METTL25B: variants seen among roughly 807,000 people sequenced by gnomAD.
The protein encoded by METTL25B is methyltransferase-like protein 25B.
Under a neutral mutation model 48.4 loss-of-function variants are expected in METTL25B, and 38 were observed. That is an observed-to-expected ratio of 0.78 (90% CI 0.61 to 1.03). METTL25B has a LOEUF of 1.03. Among genes scored for constraint, METTL25B ranks in the 50% least tolerant of loss-of-function variants. The pLI is 0.00. For synonymous variants in METTL25B, 230 were observed against 254.5 expected (o/e 0.90, Z 0.92); for missense variants, 537 against 603.7 (o/e 0.89, Z 1.16).
Position 156,734,397 on chromosome 1 carries a change from G to T in METTL25B, c.1025G>T (p.Arg342Leu), listed in dbSNP as rs748934059. ...CCTGGCCTTCGAACTCACTGCTACC[G>T]TGCAGCACTGGAGACAGTCATCCGA... ...AGPGLRTHCYRAALETVIRRA... is the reference protein window; with the variant it reads ...AGPGLRTHCYLAALETVIRRA... The change falls in exon 6 of 8, where the codon CGT becomes CTT. Residue 342 changes from arginine (R) to leucine (L), a missense_variant. Coordinates refer to ENST00000368216, the MANE Select transcript of METTL25B (RefSeq NM_015997.4). 39 of 1,613,142 alleles carry T rather than the reference G, an allele frequency of 2.4e-5. 1 individual carries two copies. The South Asian group carries it at 4.1e-4, about 17-fold the overall frequency.
At position 156,732,065 on chromosome 1, in the gene METTL25B, A is replaced by G. The variant is rs34965210; in HGVS notation, c.186A>G (p.Pro62=). 2.0e-3 allele frequency: 3,279 copies of G among 1,614,180 alleles called. 54 individuals are homozygous for G. The African/African-American group carries it at 0.036, about 18-fold the overall frequency. The change falls in exon 2 of 8, where the codon CCA becomes CCG. Residue 62 remains proline, a synonymous_variant. Transcript: ENST00000368216. ...AAGCATTGGATGGACTGAAACCACC[A>G]CAGCTGGCCACAATGCTGCTGGGGA... is the stretch of plus-strand genomic sequence containing the variant. The part of the protein sequence containing the change: ...WQEALDGLKP[P]QLATMLLGMP...
chr1:156,728,852 A>AC lies in METTL25B; in HGVS notation c.-249dup, dbSNP rs1318181342. The AC allele has an allele frequency of 1.1e-4, 74 of 700,228 alleles. No homozygotes were observed. The highest frequency in any genetic ancestry group is 1.4e-4 in the Non-Finnish European group (70 of 486,350). 43.4% of individuals were successfully genotyped at this position (700,228 alleles called of 1,614,324 possible). ...GCTTTTGTGGCGTCACTGCACTGTT[A>AC]CCCCGCCCTACGTGTCTCTGACGCT... On this transcript the variant is annotated 5_prime_UTR_variant, in exon 1 of 8. It removes the in-frame stop codon of an upstream open reading frame in the 5' UTR. Transcript: ENST00000368216.
intron 4 of METTL25B, 138 bp from the exon 5 acceptor site, chr1:156,733,239 C>A: frequency 9.2e-7 from 1 of 1,092,218 alleles, no homozygotes; most frequent in East Asian, 2.4e-5. Context: ...TTAAGCCACA[C>A]TGATGTTAAT....
chr1:156,728,578 C>T lies in METTL25B; in HGVS notation c.-527C>T. On this transcript the variant is annotated 5_prime_UTR_variant, in exon 1 of 8. Coordinates refer to ENST00000368216, the MANE Select transcript of METTL25B (RefSeq NM_015997.4). ...ACCCCAGGTAGTGAGGCCAGTGATTCCGAGTGTGTGAGGAGCGGCAGTGGC... is the reference window on the plus strand; with the variant it reads ...ACCCCAGGTAGTGAGGCCAGTGATTTCGAGTGTGTGAGGAGCGGCAGTGGC... 4.1e-6 allele frequency: 4 copies of T among 984,084 alleles called. No individual in the cohort carries two copies. Among genetic ancestry groups the T allele is most frequent in the Non-Finnish European group, 4.8e-6 (4 of 829,468 alleles). 61.0% of individuals were successfully genotyped at this position (984,084 alleles called of 1,614,324 possible). A position where few individuals can be genotyped will look rare whatever the true frequency, so the allele number is the denominator to read the frequency against.
intron 1 of METTL25B, 37 bp from the exon 2 acceptor site, chr1:156,731,954 T>C (rs747338135): frequency 2.5e-6 from 4 of 1,612,582 alleles, no homozygotes; most frequent in Non-Finnish European, 3.4e-6. Flanking sequence ...ATGGGAGTGG[T>C]AGTAGCTTGC....
At position 156,728,968 on chromosome 1, in the gene METTL25B, G is replaced by A. The variant is rs890113477; in HGVS notation, c.-137G>A. 3 of 568,466 alleles carry A rather than the reference G, an allele frequency of 5.3e-6. No homozygotes were observed. The highest frequency in any genetic ancestry group is 5.9e-6 in the Non-Finnish European group (2 of 339,856). The allele number at this position is 568,466 out of a possible 1,614,324, so 35.2% of individuals were successfully genotyped here. ...CAGCATCGGATCCCGGAAAGGCAGC[G>A]TCGGAGACTGGACCCAAAACTCTTC... On this transcript the variant is annotated 5_prime_UTR_variant, in exon 1 of 8. Transcript: ENST00000368216.
At chr1:156,732,234 A>G (rs370498157) in intron 2 of METTL25B, 47 bp from the exon 3 acceptor site, 227 of 1,609,534 alleles carry the variant, frequency 1.4e-4, no homozygotes, top group Non-Finnish European at 1.9e-4. Flanking sequence ...TGCTGCACTC[A>G]GATGTGATGG....
rs954493872 is a variant in METTL25B at position 156,728,557 on chromosome 1, C to G, written c.-548C>G. 1 of 985,208 alleles carries G rather than the reference C, an allele frequency of 1.0e-6. No homozygotes were observed. Among genetic ancestry groups the G allele is most frequent in the Non-Finnish European group, 1.2e-6 (1 of 829,782 alleles). 61.0% of individuals were successfully genotyped at this position (985,208 alleles called of 1,614,324 possible). A position where few individuals can be genotyped will look rare whatever the true frequency, so the allele number is the denominator to read the frequency against. ...GCGCACACCCGCACCGCCCCGACCC[C>G]AGGTAGTGAGGCCAGTGATTCCGAG... On this transcript the variant is annotated 5_prime_UTR_variant, in exon 1 of 8. Coordinates refer to ENST00000368216, the MANE Select transcript of METTL25B (RefSeq NM_015997.4).
chr1:156,736,509 G>C (rs1649816552), intron 7 of METTL25B, 123 bp from the exon 8 acceptor site: 1 of 1,128,482 alleles, frequency 8.9e-7, no homozygotes, highest in African/African-American at 1.6e-5. Flanking sequence ...TGGAGAACGG[G>C]GTCTCCTTAG....
intron 1 of METTL25B, among the ~76,000 whole-genome samples, chr1:156,730,987 A>G (rs566460555): frequency 6.6e-6 from 1 of 152,266 alleles, no homozygotes; most frequent in African/African-American, 2.4e-5. Flanking sequence ...TCATCATTCA[A>G]GTCTCAGCTC....
chr1:156,734,246 G>C lies in METTL25B; in HGVS notation c.874G>C (p.Asp292His). The C allele has an allele frequency of 6.2e-7, 1 of 1,614,200 alleles. No individual in the cohort carries two copies. Among genetic ancestry groups the C allele is most frequent in the Non-Finnish European group, 8.5e-7 (1 of 1,180,038 alleles). ...GGGCTGCTGCTACATGAAGCTGAGT[G>C]ACCCTGGCGGCTACCCACTGAGTCA... ...SVGCCYMKLS[D>H]PGGYPLSQWV... Residue 292 changes from aspartate to histidine, a missense_variant, in exon 6 of 8, where the codon GAC (aspartate) becomes CAC (histidine). By Grantham distance (81) the Asp-to-His change is moderately conservative. Transcript: ENST00000368216.
At chr1:156,732,159 A>G in intron 2 of METTL25B, 44 bp downstream of exon 2, 1 of 1,613,674 alleles carries the variant, frequency 6.2e-7, no homozygotes, top group African/African-American at 1.3e-5. Flanking sequence ...CAAGGCTTTA[A>G]GCCCTGCAGT....
In METTL25B at chr1:156,735,911, T is replaced by C. The variant is rs753643421; in HGVS notation, c.1306+2T>C. On this transcript the variant is annotated splice_donor_variant, in intron 7 of 7. Transcript: ENST00000368216. LOFTEE classifies it high-confidence loss of function. ...GGCTGCTGTACCTTCAGGAACAGGG[T>C]GAGGGTGGCCTACAGCAGGGACCCA... 3 of 1,608,702 alleles carry C rather than the reference T, an allele frequency of 1.9e-6. No homozygotes were observed. Among genetic ancestry groups the C allele is most frequent in the Non-Finnish European group, 2.5e-6 (3 of 1,176,852 alleles).
At chr1:156,735,478 T>C (rs1051469918) in intron 6 of METTL25B, 1 of 122,864 alleles carries the variant, frequency 8.1e-6, no homozygotes, top group Non-Finnish European at 1.7e-5. Context: ...GGCAGGAGGA[T>C]TGCTTGAGGC....
Position 156,734,169 on chromosome 1 carries a change from C to G in METTL25B, c.797C>G (p.Ala266Gly), listed in dbSNP as rs374051320. Reference sequence around the variant, plus strand: ...CACGCCTGTGGGGATCTGAGTGTTGCCTTGCTGAGACACTTCTCCTGCTGT... The same window carrying G: ...CACGCCTGTGGGGATCTGAGTGTTGGCTTGCTGAGACACTTCTCCTGCTGT... ...GLHACGDLSV[A>G]LLRHFSCCPE... Residue 266 changes from alanine (A) to glycine (G), a missense_variant, in exon 6 of 8, where the codon GCC (alanine) becomes GGC (glycine). Ala to Gly is a moderately conservative substitution (Grantham distance 60, BLOSUM62 0). Coordinates refer to ENST00000368216, the MANE Select transcript of METTL25B (RefSeq NM_015997.4). 4.3e-5 allele frequency: 69 copies of G among 1,614,100 alleles called. No individual in the cohort carries two copies. Among genetic ancestry groups the G allele is most frequent in the Non-Finnish European group, 5.6e-5 (66 of 1,180,046 alleles).
intron 1 of METTL25B, among the ~76,000 whole-genome samples, chr1:156,731,640 GGTAA>G (rs1231285213): frequency 5.3e-5 from 8 of 152,178 alleles, no homozygotes; most frequent in African/African-American, 1.7e-4. Flanking sequence ...CAGTCACTCT[GGTAA>G]GTGTTAGGGA....
At chr1:156,730,290 CTG>C (rs1649163994) in intron 1 of METTL25B, among the ~76,000 whole-genome samples, 1 of 152,254 alleles carries the variant, frequency 6.6e-6, no homozygotes, top group African/African-American at 2.4e-5. Flanking sequence ...ACACATTTCA[CTG>C]TGCTATACCT....
In METTL25B at chr1:156,734,290, T is replaced by G; in HGVS notation, c.918T>G (p.Pro306=). 6.2e-7 allele frequency: 1 copy of G among 1,614,150 alleles called. No individual in the cohort carries two copies. The highest frequency in any genetic ancestry group is 1.3e-5 in the African/African-American group (1 of 75,042). The change falls in exon 6 of 8, where the codon CCT becomes CCG. Residue 306 remains proline (P), a synonymous_variant. Coordinates refer to ENST00000368216, the MANE Select transcript of METTL25B (RefSeq NM_015997.4). The part of the protein sequence containing the change: ...YPLSQWVAGL[P]GYELPYRLRE... ...TGAGTCAGTGGGTGGCTGGGCTGCC[T>G]GGCTATGAACTGCCCTACCGGCTTC...
chr1:156,729,224 A>G lies in METTL25B; in HGVS notation c.111+9A>G, dbSNP rs1001183087. ...TGGATGCCTACATCATCGTGAGGCC[A>G]CAGGGGCGTGGGTGGGATGTCTCTG... On this transcript the variant is annotated intron_variant, in intron 1 of 7. Transcript: ENST00000368216. 3 of 1,558,596 alleles carry G rather than the reference A, an allele frequency of 1.9e-6. No individual in the cohort carries two copies. The highest frequency in any genetic ancestry group is 2.6e-6 in the Non-Finnish European group (3 of 1,132,364).
Sources: gnomAD v4.1 joint callset for allele counts (sites outside exome capture counted in the v4.1 genomes callset) on GRCh38, gnomAD v4.1.1 for gene constraint, MANE v1.5 for transcripts, NCBI Gene and HGNC (gene_info 2026-07-23, HGNC 2026-07-21) for gene names.